The following REV3L variants were observed in gnomAD, a reference collection of about 807,000 sequenced individuals.
REV3L encodes REV3 like, DNA directed polymerase zeta catalytic subunit, also known as DNA polymerase zeta catalytic subunit.
Under a neutral mutation model 299.4 loss-of-function variants are expected in REV3L, and 69 were observed. The ratio of observed to expected loss-of-function variants is 0.23; its 90% CI spans 0.19 to 0.28. The LOEUF (loss-of-function observed/expected upper bound fraction) is 0.28. Ranked by LOEUF, REV3L falls within the 10% of genes least tolerant of loss-of-function variation. The pLI is 1.00. For synonymous variants in REV3L, 1,238 were observed against 1,271.4 expected, an observed-to-expected ratio of 0.97 and a Z score of 0.56; for missense variants, 3,128 against 3,693.8, an observed-to-expected ratio of 0.85 and a Z score of 3.97.
chr6:111,430,564 T>C (rs1350489088), intron 1 of REV3L: 3 of 1,567,856 alleles, frequency 1.9e-6, no homozygotes, highest in South Asian at 1.1e-5. Flanking sequence ...ATAGACTTCA[T>C]GGCTGACTTG....
chr6:111,349,064 T>C, intron 20 of REV3L, 154 bp downstream of exon 20: 1 of 497,084 alleles, frequency 2.0e-6, no homozygotes, highest in East Asian at 3.3e-5. Flanking sequence ...TAGTTTTGCA[T>C]TTTAGAAAGT....
At chr6:111,398,250 A>C (rs980550127) in intron 4 of REV3L, among the ~76,000 whole-genome samples, 1 of 151,914 alleles carries the variant, frequency 6.6e-6, no homozygotes, top group African/African-American at 2.4e-5. Context: ...CCTTTAAGTA[A>C]AATAATATAT....
Position 111,390,325 on chromosome 6 carries a change from C to A in REV3L, c.663-145G>T, listed in dbSNP as rs201551927. On this transcript the variant is annotated intron_variant, in intron 5 of 31. Transcript: ENST00000368802. Reference sequence around the variant, plus strand: ...CACAATTATTCTGACAAAATTGATACTTTATATGTATATATAATGAAAAAT... The same window carrying A: ...CACAATTATTCTGACAAAATTGATAATTTATATGTATATATAATGAAAAAT... The A allele has an allele frequency of 1.7e-4, 99 of 594,136 alleles. No individual in the cohort carries two copies. In the East Asian group the frequency reaches 2.7e-3, roughly 16 times the overall value. 36.8% of individuals were successfully genotyped at this position (594,136 alleles called of 1,614,324 possible). A position where few individuals can be genotyped will look rare whatever the true frequency, so the allele number is the denominator to read the frequency against.
At chr6:111,483,500 T>A, upstream of REV3L, 1 of 494,454 alleles carries the variant, frequency 2.0e-6, no homozygotes, top group Non-Finnish European at 3.8e-6. Flanking sequence ...ACCGATCTCA[T>A]GGATGGGCTC....
At chr6:111,381,502 A>G in intron 9 of REV3L, 58 bp from the exon 10 acceptor site, 4 of 1,464,634 alleles carry the variant, frequency 2.7e-6, no homozygotes, top group East Asian at 4.7e-5. Context: ...AAAATTTATC[A>G]TTTAGAATTT....
intron 9 of REV3L, among the ~76,000 whole-genome samples, chr6:111,384,262 CAA>C (rs1781115446): frequency 6.6e-6 from 1 of 152,016 alleles, no homozygotes; most frequent in Non-Finnish European, 1.5e-5. Flanking sequence ...GGGATCATAT[CAA>C]GTTATTATAC....
chr6:111,411,924 T>C (rs751629718), intron 2 of REV3L: 54 of 939,934 alleles, frequency 5.7e-5, no homozygotes, highest in Non-Finnish European at 6.2e-5. Flanking sequence ...TAAGAAAACA[T>C]ATTTTTGTTT....
chr6:111,430,215 G>A (rs989855368), intron 1 of REV3L: 23 of 825,708 alleles, frequency 2.8e-5, no homozygotes, highest in African/African-American at 8.4e-5. Flanking sequence ...ACAAGAAGAA[G>A]TAGAACAGAT....
chr6:111,442,768 C>CT (rs1469484962), intron 1 of REV3L, among the ~76,000 whole-genome samples: 1 of 152,130 alleles, frequency 6.6e-6, no homozygotes, highest in Non-Finnish European at 1.5e-5. Flanking sequence ...AACTACATCT[C>CT]TTTAAGTAGT....
chr6:111,329,723 CT>C lies in REV3L; in HGVS notation c.8049del (p.Gly2684ValfsTer11). On this transcript the variant is annotated frameshift_variant, in exon 25 of 32. Coordinates refer to ENST00000368802, the MANE Select transcript of REV3L (RefSeq NM_001372078.1). LOFTEE classifies it high-confidence loss of function. The stretch of plus-strand genomic sequence containing the variant: ...TCTTCAAGCATTCTTGGTAGTACAC[CT>C]TTTCTTACTGAAGGCTATCATAAAG... ...GVAFVKPSVR[K>X]GVLPRMLEEI... 6.2e-7 allele frequency: 1 copy of C among 1,612,652 alleles called. No individual in the cohort carries two copies.
intron 24 of REV3L, chr6:111,330,425 C>G: frequency 2.6e-6 from 1 of 378,702 alleles, no homozygotes; most frequent in Non-Finnish European, 5.5e-6. Context: ...GGAATGAAAA[C>G]CACAAAACAG....
chr6:111,455,886 TA>T (rs1790103846), intron 1 of REV3L, among the ~76,000 whole-genome samples: 1 of 152,154 alleles, frequency 6.6e-6, no homozygotes, highest in Admixed American at 6.5e-5. Flanking sequence ...CTGTGCCACA[TA>T]ACAATGTTTC....
chr6:111,414,561 G>A (rs1784566388), intron 2 of REV3L, among the ~76,000 whole-genome samples: 2 of 152,042 alleles, frequency 1.3e-5, no homozygotes, highest in South Asian at 4.1e-4. Context: ...AAAAATAGAA[G>A]GAAATTCAAT....
chr6:111,439,632 A>G (rs970739637), intron 1 of REV3L, among the ~76,000 whole-genome samples: 3 of 152,206 alleles, frequency 2.0e-5, no homozygotes, highest in African/African-American at 7.2e-5. Flanking sequence ...TCTACCCAAT[A>G]ACAACGAAAC....
At position 111,431,177 on chromosome 6, in the gene REV3L, G is replaced by C. The variant is rs1786877674; in HGVS notation, c.140-14705C>G. ...AGCAGCCATGAGTTTTTGGCCACGT[G>C]CCAAGATTATCCATCTGTGATGGCA... On this transcript the variant is annotated intron_variant, in intron 1 of 31. Transcript: ENST00000368802. 22 of 1,562,942 alleles carry C rather than the reference G, an allele frequency of 1.4e-5. No homozygotes were observed. The South Asian group carries it at 2.3e-4, about 17-fold the overall frequency.
At chr6:111,384,862 C>CA (rs1483904326) in intron 9 of REV3L, among the ~76,000 whole-genome samples, 1 of 152,136 alleles carries the variant, frequency 6.6e-6, no homozygotes, top group Non-Finnish European at 1.5e-5. Flanking sequence ...TGTCCATCAA[C>CA]AGATGAATGG....
At chr6:111,465,756 A>AAAAACAAACAAAAAAAAAAAAC (rs1562355604) in intron 1 of REV3L, among the ~76,000 whole-genome samples, 3 of 146,996 alleles carry the variant, frequency 2.0e-5, no homozygotes, top group Non-Finnish European at 4.5e-5. Flanking sequence ...AAAAAAAAAA[A>AAAAACAAACAAAAAAAAAAAAC]AAAAAAAAAA....
chr6:111,431,986 T>G (rs1786996421), intron 1 of REV3L, among the ~76,000 whole-genome samples: 1 of 152,212 alleles, frequency 6.6e-6, no homozygotes, highest in African/African-American at 2.4e-5. Flanking sequence ...TAAAAAAAAT[T>G]TCTATTCTTT....
chr6:111,461,948 A>C (rs924777241), intron 1 of REV3L, among the ~76,000 whole-genome samples: 1 of 152,178 alleles, frequency 6.6e-6, no homozygotes, highest in Admixed American at 6.6e-5. Context: ...AAACACACTA[A>C]ATAAAAGAGA....
Sources: gnomAD v4.1 joint callset for allele counts (sites outside exome capture counted in the v4.1 genomes callset) on GRCh38, gnomAD v4.1.1 for gene constraint, MANE v1.5 for transcripts, NCBI Gene and HGNC (gene_info 2026-07-23, HGNC 2026-07-21) for gene names.